Variants in SH2D1A observed in about 807,000 individuals in gnomAD.
The protein encoded by SH2D1A is SH2 domain-containing protein 1A.
Under a neutral mutation model 10.1 loss-of-function variants are expected in SH2D1A, and 6 were observed. The observed-to-expected ratio is 0.60, with a 90% confidence interval of 0.33 to 1.18. The LOEUF is 1.18. Among genes scored for constraint, SH2D1A ranks in the 50% most tolerant of loss-of-function variants. The pLI is 0.04. For missense variants in SH2D1A, 51 were observed against 97.6 expected (o/e 0.52, Z 2.01); for synonymous variants, 42 against 36.9 (o/e 1.14, Z -0.51).
chrX:124,357,804 C>T (rs2060029847), intron 1 of SH2D1A, among the ~76,000 whole-genome samples: 1 of 109,264 alleles, frequency 9.2e-6, no homozygotes, highest in African/African-American at 3.4e-5. Context: ...CTATTCTGGT[C>T]CTTTGCCCAT....
intron 1 of SH2D1A, among the ~76,000 whole-genome samples, chrX:124,361,015 C>T (rs60026554): frequency 0.026 from 2,944 of 111,281 alleles, 113 homozygotes; most frequent in African/African-American, 0.091. Flanking sequence ...AATATTACAA[C>T]ATAAACCTAA....
intron 1 of SH2D1A, among the ~76,000 whole-genome samples, chrX:124,361,998 GTT>G (rs1476716746): frequency 8.9e-6 from 1 of 112,038 alleles, no homozygotes; most frequent in African/African-American, 3.2e-5. Context: ...TACTTATGAT[GTT>G]AACCAGCCAT....
At chrX:124,350,552 T>C (rs2060009606) in intron 1 of SH2D1A, among the ~76,000 whole-genome samples, 1 of 51,340 alleles carries the variant, frequency 1.9e-5, no homozygotes, top group East Asian at 7.5e-4. Flanking sequence ...ATATACTATA[T>C]TATATATAGT....
At chrX:124,356,267 T>C (rs750112959) in intron 1 of SH2D1A, among the ~76,000 whole-genome samples, 3 of 110,350 alleles carry the variant, frequency 2.7e-5, no homozygotes, top group African/African-American at 3.3e-5. Flanking sequence ...TATTCCATGG[T>C]GTATATGTGC....
chrX:124,350,973 AG>A (rs2060012641), intron 1 of SH2D1A, among the ~76,000 whole-genome samples: 1 of 47,966 alleles, frequency 2.1e-5, no homozygotes, highest in Admixed American at 2.5e-4. Context: ...ATTGTATATA[AG>A]ATATAATATA....
intron 1 of SH2D1A, among the ~76,000 whole-genome samples, chrX:124,362,127 C>T (rs973373645): frequency 8.9e-6 from 1 of 111,908 alleles, no homozygotes; most frequent in Non-Finnish European, 1.9e-5. Flanking sequence ...GTTTATCTTT[C>T]AAGAAAAGGG....
Position 124,372,547 on chromosome X carries a change from G to GA in SH2D1A, c.*1162dup. 5.8e-6 allele frequency: 1 copy of GA among 171,944 alleles called. No individual in the cohort carries two copies. Among genetic ancestry groups the GA allele is most frequent in the Non-Finnish European group, 1.1e-5 (1 of 89,315 alleles). 14.2% of individuals were successfully genotyped at this position (171,944 alleles called of 1,213,427 possible). A position where few individuals can be genotyped will look rare whatever the true frequency, so the allele number is the denominator to read the frequency against. ...AAAGAAAATAACAATAAAAGACAAGGAAAAAATAACAATGAAAGTTGATAA... is the reference window on the plus strand; with the variant it reads ...AAAGAAAATAACAATAAAAGACAAGGAAAAAAATAACAATGAAAGTTGATAA... On this transcript the variant is annotated 3_prime_UTR_variant, in exon 4 of 4. Transcript: ENST00000371139.
chrX:124,362,991 A>G (rs188482428), intron 1 of SH2D1A, among the ~76,000 whole-genome samples: 243 of 111,166 alleles, frequency 2.2e-3, no homozygotes, highest in African/African-American at 7.6e-3. Flanking sequence ...AGGGCTCAAA[A>G]TGAAACTTAT....
In SH2D1A at chrX:124,346,678, C is replaced by T. The variant is rs1259577571; in HGVS notation, c.36C>T (p.Ser12=). The change falls in exon 1 of 4, where the codon AGC becomes AGT. Residue 12 remains serine, a synonymous_variant. Transcript: ENST00000371139. ...DAVAVYHGKI[S]RETGEKLLLA... Reference sequence around the variant, plus strand: ...TGGCTGTGTATCATGGCAAAATCAGCAGGGAAACCGGCGAGAAGCTCCTGC... The same window carrying T: ...TGGCTGTGTATCATGGCAAAATCAGTAGGGAAACCGGCGAGAAGCTCCTGC... The T allele has an allele frequency of 3.3e-6, 4 of 1,210,294 alleles. No homozygotes were observed. Among genetic ancestry groups the T allele is most frequent in the Non-Finnish European group, 4.5e-6 (4 of 895,029 alleles).
At chrX:124,367,144 C>G (rs1184523686) in intron 2 of SH2D1A, among the ~76,000 whole-genome samples, 1 of 112,000 alleles carries the variant, frequency 8.9e-6, no homozygotes, top group Non-Finnish European at 1.9e-5. Flanking sequence ...CCCCCTCATC[C>G]TGTTGTCTGA....
chrX:124,355,917 G>GT (rs939577428), intron 1 of SH2D1A, among the ~76,000 whole-genome samples: 5 of 110,118 alleles, frequency 4.5e-5, no homozygotes, highest in South Asian at 7.8e-4. Context: ...TTTTGTGTGT[G>GT]TTTTTTTTAA....
rs1569527286 is a variant in SH2D1A at position 124,351,067 on chromosome X, T to TTTTATATATATTATTATAAATATATA, written c.137+4301_137+4326dup. Among the ~76,000 whole-genome samples, 135 of 92,107 alleles carry TTTTATATATATTATTATAAATATATA rather than the reference T, an allele frequency of 1.5e-3. 3 individuals are homozygous for TTTTATATATATTATTATAAATATATA. The highest frequency in any genetic ancestry group is 4.9e-3 in the African/African-American group (123 of 25,151). 80.0% of individuals were successfully genotyped at this position (92,107 alleles called of 115,157 possible). A position where few individuals can be genotyped will look rare whatever the true frequency, so the allele number is the denominator to read the frequency against. On this transcript the variant is annotated intron_variant, in intron 1 of 3. Transcript: ENST00000371139. ...TATATATATTATTATAAATATATATTTTTATATATATTATTATAAATATAT... is the reference window on the plus strand; with the variant it reads ...TATATATATTATTATAAATATATATTTTTATATATATTATTATAAATATATATTTATATATATTATTATAAATATAT...
chrX:124,357,879 G>A (rs190065301), intron 1 of SH2D1A, among the ~76,000 whole-genome samples: 1 of 108,779 alleles, frequency 9.2e-6, no homozygotes, highest in African/African-American at 3.4e-5. Flanking sequence ...GAGTGCAGTG[G>A]CGCGATCTTG....
chrX:124,366,190 C>T lies in SH2D1A; in HGVS notation c.201+366C>T, dbSNP rs779330539. Among the ~76,000 whole-genome samples, 491 of 110,908 alleles carry T rather than the reference C, an allele frequency of 4.4e-3. 5 individuals carry two copies. Among genetic ancestry groups the T allele is most frequent in the African/African-American group, 0.015 (470 of 30,545 alleles). On this transcript the variant is annotated intron_variant, in intron 2 of 3. Coordinates refer to ENST00000371139, the MANE Select transcript of SH2D1A (RefSeq NM_002351.5). ...ATTGGTATCGTGGGAGATTAAAAAA[C>T]ATGATGCTTATTTTCTAAGAGACTA...
chrX:124,355,014 A>G (rs745383414), intron 1 of SH2D1A, among the ~76,000 whole-genome samples: 5 of 112,925 alleles, frequency 4.4e-5, no homozygotes, highest in African/African-American at 1.6e-4. Context: ...GTAGGATACT[A>G]TTCCTCTGGA....
At chrX:124,357,437 A>G in intron 1 of SH2D1A, among the ~76,000 whole-genome samples, 1 of 112,212 alleles carries the variant, frequency 8.9e-6, no homozygotes, top group Admixed American at 9.4e-5. Context: ...ATTGTGAATA[A>G]TGCTGCAATA....
At chrX:124,347,171 C>T (rs1399294325) in intron 1 of SH2D1A, among the ~76,000 whole-genome samples, 1 of 111,664 alleles carries the variant, frequency 9.0e-6, no homozygotes, top group African/African-American at 3.3e-5. Context: ...CTTTAAACGA[C>T]TTTTGAAGTG....
intron 2 of SH2D1A, 54 bp from the exon 3 acceptor site, chrX:124,370,122 T>G (rs1419508557): frequency 6.5e-6 from 6 of 928,625 alleles, no homozygotes; most frequent in Non-Finnish European, 9.4e-6. Flanking sequence ...TTTGTAGGTC[T>G]TTTTGTATCA....
intron 1 of SH2D1A, among the ~76,000 whole-genome samples, chrX:124,352,395 T>C (rs964303965): frequency 2.7e-5 from 3 of 111,655 alleles, no homozygotes; most frequent in Non-Finnish European, 5.7e-5. Flanking sequence ...AATGTTTTAA[T>C]ATATTTTAAA....
Sources: allele counts gnomAD v4.1 joint callset (sites outside exome capture counted in the v4.1 genomes callset), GRCh38; gene constraint gnomAD v4.1.1; transcripts MANE v1.5; gene names NCBI Gene and HGNC (gene_info 2026-07-23, HGNC 2026-07-21).